Variants in MCU observed in about 807,000 individuals in gnomAD.
MCU encodes the protein mitochondrial calcium uniporter.
In MCU, 12 loss-of-function variants were observed where a neutral mutation model predicts 45.2. The observed-to-expected ratio is 0.27, with a 90% CI of 0.17 to 0.43. MCU has a LOEUF of 0.43. Ranked by LOEUF, MCU falls within the 20% of genes least tolerant of loss-of-function variation. The probability of loss-of-function intolerance (pLI) is 1.00; values close to 1 mark genes in which losing one functional copy is unlikely to be tolerated. For missense variants in MCU, 324 were observed against 436.7 expected (o/e 0.74, Z 2.30); for synonymous variants, 160 against 165.1 (o/e 0.97, Z 0.24).
intron 1 of MCU, among the ~76,000 whole-genome samples, chr10:72,700,809 G>A (rs1842750542): frequency 6.6e-6 from 1 of 151,904 alleles, no homozygotes; most frequent in Admixed American, 6.6e-5. Context: ...CAGAAGAGTG[G>A]GTATTAATTT....
intron 2 of MCU, among the ~76,000 whole-genome samples, chr10:72,853,137 T>TA (rs1426413750): frequency 2.0e-5 from 3 of 152,096 alleles, no homozygotes; most frequent in Non-Finnish European, 4.4e-5. Context: ...TTACTAGGCA[T>TA]ATGAAGAAGC....
At chr10:72,860,710 G>A (rs1010772803) in intron 4 of MCU, among the ~76,000 whole-genome samples, 183 bp downstream of exon 4, 7 of 152,076 alleles carry the variant, frequency 4.6e-5, no homozygotes, top group African/African-American at 1.2e-4. Context: ...TGGCTAGTAC[G>A]TCGACAAAAA....
intron 1 of MCU, among the ~76,000 whole-genome samples, chr10:72,791,869 A>G (rs977516375): frequency 1.3e-5 from 2 of 151,862 alleles, no homozygotes; most frequent in Non-Finnish European, 2.9e-5. Context: ...AAGATTTTTA[A>G]GTGATTCTAT....
At position 72,872,216 on chromosome 10, in the gene MCU, A is replaced by G. The variant is rs183279994; in HGVS notation, c.861+636A>G. Among the ~76,000 whole-genome samples the G allele has an allele frequency of 1.6e-4, 24 of 152,302 alleles. No homozygotes were observed. In the East Asian group the frequency reaches 3.7e-3, roughly 23 times the overall value. On this transcript the variant is annotated intron_variant, in intron 6 of 7. Transcript: ENST00000373053. ...ACATATATACATGTGTAATGATCAAATCAGGGTAAATGGCATATCTCCCTC... is the reference window on the plus strand; with the variant it reads ...ACATATATACATGTGTAATGATCAAGTCAGGGTAAATGGCATATCTCCCTC...
chr10:72,790,873 T>C (rs1844148174), intron 1 of MCU, among the ~76,000 whole-genome samples: 1 of 152,218 alleles, frequency 6.6e-6, no homozygotes, highest in African/African-American at 2.4e-5. Context: ...GCTTTTCATT[T>C]TTATTACAGA....
chr10:72,765,805 AAAAG>A (rs1343909010), intron 1 of MCU, among the ~76,000 whole-genome samples: 17 of 150,678 alleles, frequency 1.1e-4, no homozygotes, highest in Middle Eastern at 6.8e-3. Flanking sequence ...AAAAAAAAAA[AAAAG>A]AAAGAAACTC....
At chr10:72,734,476 TAA>T (rs1468113722) in intron 1 of MCU, among the ~76,000 whole-genome samples, 1 of 152,214 alleles carries the variant, frequency 6.6e-6, no homozygotes, top group African/African-American at 2.4e-5. Flanking sequence ...CTGGCCTAGT[TAA>T]AATTATATAT....
chr10:72,836,510 T>C (rs74145974), intron 2 of MCU, among the ~76,000 whole-genome samples: 2 of 151,076 alleles, frequency 1.3e-5, no homozygotes, highest in Non-Finnish European at 2.9e-5. Context: ...GGTACAGTTA[T>C]GTATACCTAT....
chr10:72,881,708 A>G (rs1369771582), intron 6 of MCU, among the ~76,000 whole-genome samples: 3 of 152,236 alleles, frequency 2.0e-5, no homozygotes, highest in African/African-American at 7.2e-5. Flanking sequence ...ATGGCAAGAT[A>G]TCTGAACAGG....
intron 1 of MCU, among the ~76,000 whole-genome samples, chr10:72,762,253 A>G (rs1437849514): frequency 1.3e-5 from 2 of 152,350 alleles, no homozygotes; most frequent in East Asian, 3.9e-4. Flanking sequence ...GCCCAGGGCC[A>G]GATGGATTCA....
At chr10:72,858,396 C>G (rs776306073) in intron 2 of MCU, among the ~76,000 whole-genome samples, 16 of 152,110 alleles carry the variant, frequency 1.1e-4, no homozygotes, top group Admixed American at 3.9e-4. Flanking sequence ...GTAGACTGGC[C>G]AGAACCACTC....
At chr10:72,695,418 T>C (rs1333539789) in intron 1 of MCU, among the ~76,000 whole-genome samples, 3 of 152,234 alleles carry the variant, frequency 2.0e-5, no homozygotes, top group Non-Finnish European at 2.9e-5. Flanking sequence ...CCCAATCTTA[T>C]TATGCCAGAT....
intron 5 of MCU, among the ~76,000 whole-genome samples, chr10:72,869,587 A>C (rs1845508844): frequency 6.6e-6 from 1 of 152,212 alleles, no homozygotes; most frequent in South Asian, 2.1e-4. Context: ...GACTGTCTCA[A>C]AAACAAACAA....
intron 6 of MCU, among the ~76,000 whole-genome samples, chr10:72,872,417 C>G (rs544908445): frequency 6.6e-6 from 1 of 152,268 alleles, no homozygotes; most frequent in Non-Finnish European, 1.5e-5. Flanking sequence ...TCTACCCTTC[C>G]CAGCCTCTGG....
chr10:72,826,896 T>A (rs754259003), intron 1 of MCU, among the ~76,000 whole-genome samples: 44 of 152,246 alleles, frequency 2.9e-4, no homozygotes, highest in Non-Finnish European at 5.9e-4. Context: ...CCACGTACAG[T>A]ACAATAAGAT....
chr10:72,714,329 TTC>T (rs1405256102), intron 1 of MCU, among the ~76,000 whole-genome samples: 7 of 147,946 alleles, frequency 4.7e-5, no homozygotes, highest in African/African-American at 1.8e-4. Context: ...GTTACTTCAG[TTC>T]CCCCCGCCCT....
At chr10:72,709,955 C>T (rs1842869155) in intron 1 of MCU, among the ~76,000 whole-genome samples, 1 of 152,116 alleles carries the variant, frequency 6.6e-6, no homozygotes, top group Admixed American at 6.5e-5. Context: ...GTTGGGTGAA[C>T]TTTAAATACA....
At chr10:72,816,968 A>G (rs188789732) in intron 1 of MCU, among the ~76,000 whole-genome samples, 147 of 152,316 alleles carry the variant, frequency 9.7e-4, no homozygotes, top group Middle Eastern at 3.4e-3. Context: ...ATGTATTTCT[A>G]TTTCTTTACT....
intron 1 of MCU, among the ~76,000 whole-genome samples, chr10:72,750,461 C>T (rs1391073305): frequency 6.6e-6 from 1 of 152,118 alleles, no homozygotes; most frequent in Non-Finnish European, 1.5e-5. Context: ...TTTTTAAGAG[C>T]GTTGTTCAGT....
Sources: gnomAD v4.1 joint callset for allele counts (sites outside exome capture counted in the v4.1 genomes callset) on GRCh38, gnomAD v4.1.1 for gene constraint, MANE v1.5 for transcripts, NCBI Gene and HGNC (gene_info 2026-07-23, HGNC 2026-07-21) for gene names.